Variants in SGPL1 observed in about 807,000 individuals in gnomAD.
The protein encoded by SGPL1 is sphingosine-1-phosphate lyase 1.
SGPL1 carries 37 observed loss-of-function variants against 68.9 expected under a neutral mutation model. The observed-to-expected ratio is 0.54, with a 90% CI of 0.41 to 0.71. The LOEUF is 0.71. SGPL1 is among the 30% of genes least tolerant of loss of function. The pLI is 0.00. For synonymous variants in SGPL1, 236 were observed against 248.5 expected (o/e 0.95, Z 0.47); for missense variants, 551 against 704.6 (o/e 0.78, Z 2.47).
At chr10:70,848,578 C>G (rs1420038520) in intron 3 of SGPL1, among the ~76,000 whole-genome samples, 2 of 145,434 alleles carry the variant, frequency 1.4e-5, no homozygotes, top group African/African-American at 5.1e-5. Context: ...GATTCACTTG[C>G]TTCAGCCTCC....
intron 7 of SGPL1, among the ~76,000 whole-genome samples, chr10:70,862,890 C>T (rs1321219754): frequency 1.3e-5 from 2 of 152,220 alleles, no homozygotes; most frequent in Admixed American, 6.5e-5. Context: ...GACCAAGAAC[C>T]CACCAATTCC....
chr10:70,835,334 C>T (rs1168850721), intron 2 of SGPL1, among the ~76,000 whole-genome samples: 1 of 151,978 alleles, frequency 6.6e-6, no homozygotes, highest in Admixed American at 6.6e-5. Context: ...TGAATTCTTT[C>T]CTTCTAGGAC....
intron 12 of SGPL1, among the ~76,000 whole-genome samples, chr10:70,874,974 C>T (rs1846359694): frequency 6.6e-6 from 1 of 152,126 alleles, no homozygotes; most frequent in Non-Finnish European, 1.5e-5. Flanking sequence ...TCTGATAGGG[C>T]CATTTATTAA....
intron 4 of SGPL1, among the ~76,000 whole-genome samples, chr10:70,852,257 CT>C (rs1426497802): frequency 6.6e-6 from 1 of 152,176 alleles, no homozygotes; most frequent in Non-Finnish European, 1.5e-5. Flanking sequence ...TATCTTTAAC[CT>C]TTGGCTGAAA....
intron 6 of SGPL1, 97 bp downstream of exon 6, chr10:70,857,787 AG>A (rs1845990085): frequency 1.4e-6 from 1 of 715,294 alleles, no homozygotes; most frequent in Non-Finnish European, 2.3e-6. Context: ...AAATTACTTA[AG>A]GAAAGCTTAT....
intron 9 of SGPL1, among the ~76,000 whole-genome samples, chr10:70,870,569 A>G (rs1162436143): frequency 6.6e-6 from 1 of 151,744 alleles, no homozygotes; most frequent in Non-Finnish European, 1.5e-5. Flanking sequence ...CATTGTCATT[A>G]TGATAGTGAT....
intron 7 of SGPL1, among the ~76,000 whole-genome samples, chr10:70,861,034 C>CT (rs75728471): frequency 0.084 from 11,478 of 136,736 alleles, 551 homozygotes; most frequent in African/African-American, 0.12. Context: ...TCTTTCTTTC[C>CT]TTTTTTTTTT....
intron 7 of SGPL1, among the ~76,000 whole-genome samples, chr10:70,862,272 C>G (rs1253467924): frequency 6.8e-6 from 1 of 147,430 alleles, no homozygotes; most frequent in Non-Finnish European, 1.5e-5. Flanking sequence ...CCAATCGACA[C>G]TCTGTATCTC....
At chr10:70,861,197 TAAAA>T (rs1001133559) in intron 7 of SGPL1, among the ~76,000 whole-genome samples, 1 of 143,934 alleles carries the variant, frequency 6.9e-6, no homozygotes, top group South Asian at 2.2e-4. Context: ...CAAGACAGAT[TAAAA>T]AAAAAAAGTT....
At chr10:70,847,449 G>A (rs564571701) in intron 3 of SGPL1, among the ~76,000 whole-genome samples, 2 of 152,130 alleles carry the variant, frequency 1.3e-5, no homozygotes, top group Non-Finnish European at 2.9e-5. Context: ...ATGCCCAGCT[G>A]AGTTATTTTG....
intron 3 of SGPL1, among the ~76,000 whole-genome samples, chr10:70,847,345 C>T (rs1242560941): frequency 1.3e-5 from 2 of 151,972 alleles, no homozygotes; most frequent in African/African-American, 2.4e-5. Context: ...GATGGGGTTT[C>T]GCCATGTTGG....
intron 8 of SGPL1, chr10:70,869,235 C>T (rs1313895556): frequency 6.6e-6 from 1 of 152,256 alleles, no homozygotes; most frequent in Non-Finnish European, 1.5e-5. Context: ...TACCCGTGAC[C>T]TCATTTTCTC....
chr10:70,829,882 G>A (rs936365082), intron 2 of SGPL1, among the ~76,000 whole-genome samples: 2 of 152,158 alleles, frequency 1.3e-5, no homozygotes, highest in Non-Finnish European at 2.9e-5. Context: ...TACAGTATGT[G>A]CTTAGGAATT....
Position 70,871,899 on chromosome 10 carries a change from CTT to C in SGPL1, c.974_975del (p.Phe325TyrfsTer13). 6.2e-7 allele frequency: 1 copy of C among 1,614,054 alleles called. No individual in the cohort carries two copies. Among genetic ancestry groups the C allele is most frequent in the Non-Finnish European group, 8.5e-7 (1 of 1,179,984 alleles). ...DACLGGFLIV[F>X]MEKAGYPLEH... ...CTTGTCTGGGAGGCTTCCTCATCGTCTTTATGGAGAAAGCAGGATACCCACTG... is the reference window on the plus strand; with the variant it reads ...CTTGTCTGGGAGGCTTCCTCATCGTCTATGGAGAAAGCAGGATACCCACTG... On this transcript the variant is annotated frameshift_variant, in exon 11 of 15. Transcript: ENST00000373202. LOFTEE classifies it high-confidence loss of function.
chr10:70,847,443 C>T (rs1280662639), intron 3 of SGPL1, among the ~76,000 whole-genome samples: 8 of 152,098 alleles, frequency 5.3e-5, no homozygotes, highest in Admixed American at 2.6e-4. Flanking sequence ...GCCACCATGC[C>T]CAGCTGAGTT....
At chr10:70,828,050 GT>G (rs1326826576) in intron 2 of SGPL1, among the ~76,000 whole-genome samples, 2 of 152,154 alleles carry the variant, frequency 1.3e-5, no homozygotes. Context: ...GAACATTTAT[GT>G]TTCTAGTTTT....
At chr10:70,877,162 T>A in intron 14 of SGPL1, 33 bp from the exon 15 acceptor site, 1 of 1,611,072 alleles carries the variant, frequency 6.2e-7, no homozygotes, top group Non-Finnish European at 8.5e-7. Flanking sequence ...GGACCTGGCC[T>A]CACTAATAAT....
At chr10:70,868,044 T>C in intron 7 of SGPL1, among the ~76,000 whole-genome samples, 1 of 152,216 alleles carries the variant, frequency 6.6e-6, no homozygotes, top group East Asian at 1.9e-4. Context: ...TATCTGAAAA[T>C]TGAAAAATTA....
At chr10:70,870,963 T>A in intron 9 of SGPL1, 85 bp from the exon 10 acceptor site, 1 of 1,128,036 alleles carries the variant, frequency 8.9e-7, no homozygotes, top group Non-Finnish European at 1.3e-6. Context: ...AACTCTAAGC[T>A]AGCAGCCCAA....
Sources: gnomAD v4.1 joint callset for allele counts (sites outside exome capture counted in the v4.1 genomes callset) on GRCh38, gnomAD v4.1.1 for gene constraint, MANE v1.5 for transcripts, NCBI Gene and HGNC (gene_info 2026-07-23, HGNC 2026-07-21) for gene names.